Variants in LRRC40 observed in about 807,000 individuals in gnomAD.
LRRC40 encodes the protein leucine-rich repeat-containing protein 40.
LRRC40 carries 76 observed loss-of-function variants against 72.8 expected under a neutral mutation model. The observed-to-expected ratio is 1.04, with a 90% CI of 0.87 to 1.26. The LOEUF is 1.26. Among genes scored for constraint, LRRC40 ranks in the 50% most tolerant of loss-of-function variants. LRRC40 has a pLI of 0.00. For synonymous variants in LRRC40, 243 were observed against 254.2 expected, an observed-to-expected ratio of 0.96 and a Z score of 0.42; for missense variants, 684 against 698.9, an observed-to-expected ratio of 0.98 and a Z score of 0.24.
At chr1:70,175,319 A>G (rs760242322) in intron 7 of LRRC40, among the ~76,000 whole-genome samples, 12 of 152,160 alleles carry the variant, frequency 7.9e-5, no homozygotes, top group Non-Finnish European at 1.8e-4. Flanking sequence ...CAGAAGCATC[A>G]AATTCTAGGA....
rs761204429 is a variant in LRRC40 at position 70,152,532 on chromosome 1, A to G, written c.1340T>C (p.Leu447Pro). The G allele has an allele frequency of 6.4e-7, 1 of 1,568,182 alleles. No homozygotes were observed. Among genetic ancestry groups the G allele is most frequent in the Non-Finnish European group, 8.8e-7 (1 of 1,140,404 alleles). ...LCEIPKRMVELKEMVSDVDLS... is the reference protein window; with the variant it reads ...LCEIPKRMVEPKEMVSDVDLS... The stretch of plus-strand genomic sequence containing the variant: ...ATCGACATCAGAAACCATTTCCTTC[A>G]GTTCTACCATCCTGAAACAAAAATA... Residue 447 changes from leucine (L) to proline (P), a missense_variant, in exon 12 of 15, where the codon CTG becomes CCG. Leu to Pro is a moderately conservative substitution (Grantham distance 98, BLOSUM62 -3). Coordinates refer to ENST00000370952, the MANE Select transcript of LRRC40 (RefSeq NM_017768.5).
Position 70,204,458 on chromosome 1 carries a change from G to A in LRRC40, c.151+932C>T, listed in dbSNP as rs1488610206. 2.6e-5 allele frequency among the ~76,000 whole-genome samples: 4 copies of A among 152,146 alleles called. No homozygotes were observed. The South Asian group carries it at 8.3e-4, about 32-fold the overall frequency. On this transcript the variant is annotated intron_variant, in intron 1 of 14. Coordinates refer to ENST00000370952, the MANE Select transcript of LRRC40 (RefSeq NM_017768.5). ...ATGTTTCAGGTTTTGGGGAAACCAA[G>A]TAGATATATATATATGCACAACTGT... is the stretch of plus-strand genomic sequence containing the variant.
At chr1:70,176,876 G>C (rs991990173) in intron 6 of LRRC40, among the ~76,000 whole-genome samples, 2 of 152,088 alleles carry the variant, frequency 1.3e-5, no homozygotes, top group Non-Finnish European at 2.9e-5. Flanking sequence ...GTTTATCACT[G>C]ACTACCACAA....
intron 5 of LRRC40, among the ~76,000 whole-genome samples, chr1:70,180,845 C>A (rs1668228293): frequency 6.6e-6 from 1 of 152,112 alleles, no homozygotes. Context: ...TATAATCCTA[C>A]TACAACGAAT....
rs369080643 is a variant in LRRC40 at position 70,175,870 on chromosome 1, T to C, written c.917A>G (p.Asp306Gly). 6.2e-7 allele frequency: 1 copy of C among 1,600,870 alleles called. No homozygotes were observed. The highest frequency in any genetic ancestry group is 2.3e-5 in the East Asian group (1 of 43,918). ...LRDNKLKSVP[D>G]EIILLRSLER... Reference sequence around the variant, plus strand: ...CAAGGACCGTAGTAGTATAATTTCATCTGGAACAGATTTTAACTTGTTATC... The same window carrying C: ...CAAGGACCGTAGTAGTATAATTTCACCTGGAACAGATTTTAACTTGTTATC... Residue 306 changes from aspartate (D) to glycine (G), a missense_variant, in exon 7 of 15, where the codon GAT becomes GGT. Physicochemically the swap from Asp to Gly is moderately conservative, Grantham distance 94. Coordinates refer to ENST00000370952, the MANE Select transcript of LRRC40 (RefSeq NM_017768.5).
At chr1:70,151,985 A>T (rs1413039269) in intron 12 of LRRC40, 1 of 152,666 alleles carries the variant, frequency 6.6e-6, no homozygotes, top group Admixed American at 6.5e-5. Context: ...ATGTAAAGTC[A>T]TACTTTCTAC....
At chr1:70,152,873 T>C (rs556131174) in intron 11 of LRRC40, among the ~76,000 whole-genome samples, 46 of 152,214 alleles carry the variant, frequency 3.0e-4, no homozygotes, top group Non-Finnish European at 6.2e-4. Flanking sequence ...TTATACTTTA[T>C]TCTATTAATA....
intron 4 of LRRC40, among the ~76,000 whole-genome samples, chr1:70,182,052 A>G (rs1242322864): frequency 1.3e-5 from 2 of 152,062 alleles, no homozygotes; most frequent in Non-Finnish European, 1.5e-5. Flanking sequence ...CATTTAATCT[A>G]ACAGTAACAT....
At chr1:70,157,714 C>A (rs569974021) in intron 10 of LRRC40, among the ~76,000 whole-genome samples, 1 of 152,112 alleles carries the variant, frequency 6.6e-6, no homozygotes, top group Admixed American at 6.6e-5. Flanking sequence ...TCTGTCTCAT[C>A]AATCAGTTTA....
At chr1:70,201,016 A>C (rs1668726391) in intron 1 of LRRC40, among the ~76,000 whole-genome samples, 1 of 152,102 alleles carries the variant, frequency 6.6e-6, no homozygotes, top group African/African-American at 2.4e-5. Context: ...TACAAAAAAT[A>C]AAATAGCTGG....
intron 5 of LRRC40, chr1:70,180,141 G>A (rs1457811128): frequency 6.6e-6 from 1 of 151,942 alleles, no homozygotes; most frequent in Non-Finnish European, 1.5e-5. Context: ...TTTTTTGAGA[G>A]AGAGAGAAGA....
chr1:70,153,728 TC>T (rs1558109694), intron 11 of LRRC40, among the ~76,000 whole-genome samples: 3 of 152,082 alleles, frequency 2.0e-5, no homozygotes, highest in Admixed American at 1.3e-4. Flanking sequence ...ACACCTGTAA[TC>T]CCAGCACTTT....
intron 1 of LRRC40, among the ~76,000 whole-genome samples, chr1:70,190,330 A>G (rs1352251935): frequency 6.6e-6 from 1 of 152,044 alleles, no homozygotes; most frequent in Non-Finnish European, 1.5e-5. Flanking sequence ...AATCAGATAA[A>G]ATGGGGTTAC....
chr1:70,166,524 G>A (rs1430978386), intron 9 of LRRC40, among the ~76,000 whole-genome samples: 2 of 152,008 alleles, frequency 1.3e-5, no homozygotes, highest in Non-Finnish European at 2.9e-5. Flanking sequence ...TGGTGTAGTG[G>A]TGCACACCTG....
intron 7 of LRRC40, among the ~76,000 whole-genome samples, chr1:70,174,424 G>C (rs1668060027): frequency 6.6e-6 from 1 of 152,018 alleles, no homozygotes; most frequent in Admixed American, 6.6e-5. Context: ...ATACAACTAA[G>C]CAAACACACT....
chr1:70,162,322 G>C (rs1447272351), intron 9 of LRRC40, among the ~76,000 whole-genome samples: 1 of 152,084 alleles, frequency 6.6e-6, no homozygotes, highest in African/African-American at 2.4e-5. Context: ...TGCAGAGCTA[G>C]TTTGTCCCCT....
At chr1:70,184,956 T>G in intron 3 of LRRC40, 42 bp from the exon 4 acceptor site, 1 of 1,474,164 alleles carries the variant, frequency 6.8e-7, no homozygotes, top group Non-Finnish European at 9.4e-7. Context: ...TTAGTGGCAA[T>G]ACAATAAATA....
chr1:70,184,597 A>G lies in LRRC40; in HGVS notation c.537+188T>C, dbSNP rs1048698990. Among the ~76,000 whole-genome samples the G allele has an allele frequency of 9.2e-5, 14 of 152,376 alleles. No individual in the cohort carries two copies. The South Asian group carries it at 2.9e-3, about 32-fold the overall frequency. ...TAAATTAAAACTTAAAGTTGATTTCATAATACAGGAAAACCAAATTTACAG... is the reference window on the plus strand; with the variant it reads ...TAAATTAAAACTTAAAGTTGATTTCGTAATACAGGAAAACCAAATTTACAG... On this transcript the variant is annotated intron_variant, in intron 4 of 14. Coordinates refer to ENST00000370952, the MANE Select transcript of LRRC40 (RefSeq NM_017768.5).
chr1:70,201,454 C>A (rs1003609448), intron 1 of LRRC40, among the ~76,000 whole-genome samples: 1 of 152,096 alleles, frequency 6.6e-6, no homozygotes, highest in African/African-American at 2.4e-5. Flanking sequence ...AAGCCACCAG[C>A]CTATTTACAT....
Sources: allele counts gnomAD v4.1 joint callset (sites outside exome capture counted in the v4.1 genomes callset), GRCh38; gene constraint gnomAD v4.1.1; transcripts MANE v1.5; gene names NCBI Gene and HGNC (gene_info 2026-07-23, HGNC 2026-07-21).